The following DGKB variants were observed in gnomAD, a reference collection of about 807,000 sequenced individuals.
DGKB encodes 90 kDa diacylglycerol kinase.
Under a neutral mutation model 114.3 loss-of-function variants are expected in DGKB, and 67 were observed. The observed-to-expected ratio is 0.59, with a 90% CI of 0.48 to 0.72. DGKB has a LOEUF of 0.72. Ranked by LOEUF, DGKB falls within the 30% of genes least tolerant of loss-of-function variation. The probability of loss-of-function intolerance (pLI) is 0.00; values close to 1 mark genes in which losing one functional copy is unlikely to be tolerated. For missense variants in DGKB, 907 were observed against 975.2 expected (o/e 0.93, Z 0.93); for synonymous variants, 398 against 323.1 (o/e 1.23, Z -2.49).
chr7:14,358,570 A>C (rs1241498176), intron 21 of DGKB, among the ~76,000 whole-genome samples: 1 of 152,186 alleles, frequency 6.6e-6, no homozygotes, highest in Non-Finnish European at 1.5e-5. Flanking sequence ...GTCTCAGCCC[A>C]AAATCTTCTT....
At position 14,574,305 on chromosome 7, in the gene DGKB, G is replaced by A. The variant is rs1349700066; in HGVS notation, c.1677C>T (p.Asp559=). 1.9e-6 allele frequency: 3 copies of A among 1,612,990 alleles called. No homozygotes were observed. The highest frequency in any genetic ancestry group is 2.2e-5 in the East Asian group (1 of 44,794). ...DIENSTEIML[D]RWKFEVIPND... is the part of the protein sequence containing the mutation. ...TAGGTATGACTTCAAACTTCCACCT[G>A]TCCAACATGATTTCTGTGCTGTTTT... Residue 559 remains aspartate (D), a synonymous_variant, in exon 20 of 26, where the codon GAC becomes GAT. Transcript: ENST00000402815.
intron 20 of DGKB, among the ~76,000 whole-genome samples, chr7:14,566,525 C>G (rs1422027104): frequency 6.6e-6 from 1 of 152,020 alleles, no homozygotes; most frequent in African/African-American, 2.4e-5. Flanking sequence ...AATTAATATC[C>G]AACTATCACC....
intron 21 of DGKB, among the ~76,000 whole-genome samples, chr7:14,401,351 T>C (rs1445074636): frequency 6.6e-6 from 1 of 151,898 alleles, no homozygotes; most frequent in African/African-American, 2.4e-5. Context: ...AGAAAGCATA[T>C]CTGTGATTTG....
intron 21 of DGKB, among the ~76,000 whole-genome samples, chr7:14,467,685 A>C (rs1780679088): frequency 6.6e-6 from 1 of 152,202 alleles, no homozygotes; most frequent in African/African-American, 2.4e-5. Flanking sequence ...TTAAAAAATA[A>C]ATCATTCAAG....
intron 13 of DGKB, among the ~76,000 whole-genome samples, chr7:14,660,201 G>T (rs184745119): frequency 0.022 from 3,313 of 151,710 alleles, 116 homozygotes; most frequent in African/African-American, 0.076. Flanking sequence ...TCTCTTTTTT[G>T]GTTGTGTCTC....
chr7:14,204,305 A>G (rs1016901135), intron 23 of DGKB, among the ~76,000 whole-genome samples: 42 of 151,964 alleles, frequency 2.8e-4, no homozygotes, highest in African/African-American at 9.9e-4. Flanking sequence ...GGGGCCTTAT[A>G]TATGTACCCA....
At chr7:14,820,622 G>T (rs932343426) in intron 2 of DGKB, among the ~76,000 whole-genome samples, 3 of 152,108 alleles carry the variant, frequency 2.0e-5, no homozygotes, top group African/African-American at 4.8e-5. Flanking sequence ...ATTAAATCAA[G>T]AAAAGTACAA....
At chr7:14,767,584 T>C (rs1836656952) in intron 2 of DGKB, among the ~76,000 whole-genome samples, 1 of 151,970 alleles carries the variant, frequency 6.6e-6, no homozygotes, top group Admixed American at 6.6e-5. Context: ...AATTTTCTTT[T>C]ACATTTTCAC....
At chr7:14,258,191 G>A (rs1796226853) in intron 23 of DGKB, among the ~76,000 whole-genome samples, 1 of 152,156 alleles carries the variant, frequency 6.6e-6, no homozygotes, top group Non-Finnish European at 1.5e-5. Flanking sequence ...TCACATTTTT[G>A]TAGAACAGTA....
chr7:14,285,272 C>T (rs546261374), intron 23 of DGKB, among the ~76,000 whole-genome samples: 1 of 152,134 alleles, frequency 6.6e-6, no homozygotes. Flanking sequence ...AAAAGACGTG[C>T]AACTTACTAG....
At chr7:14,967,587 C>G (rs1450391182) in intron 1 of DGKB, among the ~76,000 whole-genome samples, 1 of 145,514 alleles carries the variant, frequency 6.9e-6, no homozygotes, top group Non-Finnish European at 1.5e-5. Context: ...TCCCACAGTG[C>G]TGGGATTACA....
At chr7:14,180,415 A>T (rs1000326418) in intron 23 of DGKB, among the ~76,000 whole-genome samples, 5 of 152,194 alleles carry the variant, frequency 3.3e-5, no homozygotes, top group Middle Eastern at 3.4e-3. Context: ...GTTTTTCTGC[A>T]TGCAAAAATG....
intron 17 of DGKB, among the ~76,000 whole-genome samples, chr7:14,586,562 C>T (rs191454276): frequency 2.5e-4 from 38 of 152,230 alleles, no homozygotes; most frequent in Admixed American, 2.0e-3. Context: ...ACATAGCCTT[C>T]TAATGGAAGA....
At chr7:14,824,171 C>G (rs1164122636) in intron 2 of DGKB, among the ~76,000 whole-genome samples, 1 of 152,090 alleles carries the variant, frequency 6.6e-6, no homozygotes, top group Non-Finnish European at 1.5e-5. Context: ...CACACCAGGT[C>G]CCTCCCAGGA....
intron 5 of DGKB, among the ~76,000 whole-genome samples, chr7:14,720,564 C>T (rs1829005023): frequency 6.6e-6 from 1 of 151,330 alleles, no homozygotes; most frequent in East Asian, 1.9e-4. Flanking sequence ...AGGCTGGTCT[C>T]GAATTCCTGA....
intron 25 of DGKB, among the ~76,000 whole-genome samples, chr7:14,165,174 T>G (rs1333175001): frequency 1.3e-5 from 2 of 152,156 alleles, no homozygotes; most frequent in Admixed American, 1.3e-4. Flanking sequence ...TCAGACTACA[T>G]TGAATTTCTG....
chr7:14,248,884 A>G (rs1257669767), intron 23 of DGKB, among the ~76,000 whole-genome samples: 1 of 152,124 alleles, frequency 6.6e-6, no homozygotes. Context: ...CCATATTGAA[A>G]ACAAGTGTTG....
At chr7:14,861,621 C>A (rs1182030610) in intron 1 of DGKB, among the ~76,000 whole-genome samples, 1 of 151,970 alleles carries the variant, frequency 6.6e-6, no homozygotes, top group Non-Finnish European at 1.5e-5. Flanking sequence ...CACTCCCTTT[C>A]ACACTGTTTC....
intron 23 of DGKB, among the ~76,000 whole-genome samples, chr7:14,276,102 G>T (rs769510900): frequency 6.6e-6 from 1 of 152,138 alleles, no homozygotes; most frequent in East Asian, 1.9e-4. Flanking sequence ...TCACTATGAG[G>T]CAAATCACTG....
Sources: gnomAD v4.1 joint callset for allele counts (sites outside exome capture counted in the v4.1 genomes callset) on GRCh38, gnomAD v4.1.1 for gene constraint, MANE v1.5 for transcripts, NCBI Gene and HGNC (gene_info 2026-07-23, HGNC 2026-07-21) for gene names.